CLIP1: variants seen among roughly 807,000 people sequenced by gnomAD.
CLIP1 encodes the protein CAP-Gly domain-containing linker protein 1.
Under a neutral mutation model 161.6 loss-of-function variants are expected in CLIP1, and 66 were observed. That is an observed-to-expected ratio of 0.41 (90% CI 0.33 to 0.50). CLIP1 has a LOEUF of 0.50. Among genes scored for constraint, CLIP1 ranks in the 20% least tolerant of loss-of-function variants. The pLI, the probability that CLIP1 is intolerant of heterozygous loss-of-function variation, is 0.27. For synonymous variants in CLIP1, 598 were observed against 626.2 expected (o/e 0.96, Z 0.67); for missense variants, 1,376 against 1,702.0 (o/e 0.81, Z 3.37).
At chr12:122,296,649 T>TA (rs1195164533) in intron 20 of CLIP1, among the ~76,000 whole-genome samples, 3 of 151,782 alleles carry the variant, frequency 2.0e-5, no homozygotes, top group African/African-American at 7.3e-5. Flanking sequence ...TCTTTGGAAA[T>TA]AAAAAAATTA....
At chr12:122,337,021 T>G (rs912263602) in intron 11 of CLIP1, among the ~76,000 whole-genome samples, 2 of 151,018 alleles carry the variant, frequency 1.3e-5, no homozygotes, top group Non-Finnish European at 2.9e-5. Flanking sequence ...CAGGCTAGAG[T>G]GCAGTGGTGT....
rs1430348466 is a variant in CLIP1 at position 122,354,559 on chromosome 12, G to A, written c.1204-3C>T. The A allele has an allele frequency of 1.9e-6, 3 of 1,610,760 alleles. No individual in the cohort carries two copies. Among genetic ancestry groups the A allele is most frequent in the Non-Finnish European group, 1.7e-6 (2 of 1,177,232 alleles). ...TTGGCTTCCAATTCCAGGACATGCT[G>A]GGGAAGGCAAGAATGTCGGTAAATG... On this transcript the variant is annotated splice_region_variant and splice_polypyrimidine_tract_variant and intron_variant, in intron 6 of 25. Transcript: ENST00000620786.
chr12:122,361,552 A>T (rs1334476089), intron 4 of CLIP1, among the ~76,000 whole-genome samples: 1 of 152,252 alleles, frequency 6.6e-6, no homozygotes, highest in African/African-American at 2.4e-5. Flanking sequence ...ACAGGCACCT[A>T]ACTTTGGCAG....
intron 1 of CLIP1, among the ~76,000 whole-genome samples, chr12:122,397,725 T>A (rs760947901): frequency 1.1e-4 from 16 of 151,320 alleles, no homozygotes; most frequent in Non-Finnish European, 1.9e-4. Flanking sequence ...TGGGAGGCAG[T>A]CCGATCACAA....
Position 122,420,345 on chromosome 12 carries a change from C to CA in CLIP1, c.-107+2175dup, listed in dbSNP as rs201870829. 3.1e-3 allele frequency among the ~76,000 whole-genome samples: 384 copies of CA among 123,978 alleles called. 3 individuals carry two copies. The highest frequency in any genetic ancestry group is 8.7e-3 in the African/African-American group (287 of 33,170). 81.3% of individuals were successfully genotyped at this position (123,978 alleles called of 152,430 possible). Reference sequence around the variant, plus strand: ...AGGCAACAAGAGTGAAATTCCATGTCAAAAAAAAAAAAAGAGATAAGGATA... The same window carrying CA: ...AGGCAACAAGAGTGAAATTCCATGTCAAAAAAAAAAAAAAGAGATAAGGATA... On this transcript the variant is annotated intron_variant, in intron 1 of 25. Transcript: ENST00000620786.
intron 7 of CLIP1, among the ~76,000 whole-genome samples, chr12:122,353,889 C>A (rs1953186087): frequency 6.6e-6 from 1 of 151,962 alleles, no homozygotes; most frequent in Non-Finnish European, 1.5e-5. Context: ...CCTCAGCCTC[C>A]CAAAGTGCTG....
At chr12:122,369,736 G>A (rs1033849148) in intron 3 of CLIP1, among the ~76,000 whole-genome samples, 2 of 151,782 alleles carry the variant, frequency 1.3e-5, no homozygotes, top group Admixed American at 1.3e-4. Flanking sequence ...CTTTAGTTGG[G>A]GTGGCCAAGG....
chr12:122,380,637 G>A (rs1314965442), intron 1 of CLIP1, 79 bp from the exon 2 acceptor site: 2 of 420,958 alleles, frequency 4.8e-6, no homozygotes, highest in Non-Finnish European at 8.5e-6. Context: ...ATAGACTAAA[G>A]CTTTCCTTTC....
chr12:122,383,080 G>A (rs553766381), intron 1 of CLIP1, among the ~76,000 whole-genome samples: 7 of 152,222 alleles, frequency 4.6e-5, no homozygotes, highest in East Asian at 1.9e-4. Context: ...CCATGTCTAC[G>A]TCCATAAAAT....
chr12:122,369,175 C>T (rs1437482595), intron 3 of CLIP1, among the ~76,000 whole-genome samples: 2 of 151,938 alleles, frequency 1.3e-5, no homozygotes, highest in South Asian at 2.1e-4. Context: ...TGTGCCACCA[C>T]GCCCGGCTAA....
chr12:122,332,781 C>T (rs1288264448), intron 15 of CLIP1, among the ~76,000 whole-genome samples: 1 of 152,140 alleles, frequency 6.6e-6, no homozygotes, highest in African/African-American at 2.4e-5. Context: ...TTCCTTAATT[C>T]TGTTGTTCTT....
intron 2 of CLIP1, among the ~76,000 whole-genome samples, chr12:122,379,943 TTAAA>T (rs1481193058): frequency 2.7e-4 from 19 of 70,408 alleles, no homozygotes; most frequent in Non-Finnish European, 3.5e-4. Flanking sequence ...GACTCCATCT[TTAAA>T]AAAAAAAAAA....
intron 15 of CLIP1, among the ~76,000 whole-genome samples, chr12:122,329,629 CAA>C (rs571336170): frequency 1.6e-5 from 2 of 123,432 alleles, no homozygotes. Context: ...GACTCTGTCT[CAA>C]AAAAAAAAAT....
At chr12:122,393,167 T>TG (rs1955737717) in intron 1 of CLIP1, among the ~76,000 whole-genome samples, 2 of 73,058 alleles carry the variant, frequency 2.7e-5, no homozygotes, top group South Asian at 6.9e-4. Flanking sequence ...GGCAATCTTG[T>TG]TTTTTTTTTT....
chr12:122,327,810 C>A, intron 17 of CLIP1, 137 bp downstream of exon 17: 1 of 682,172 alleles, frequency 1.5e-6, no homozygotes, highest in Non-Finnish European at 2.5e-6. Context: ...TACCACCCTG[C>A]CACGCACTCA....
chr12:122,347,571 C>A, intron 9 of CLIP1, 92 bp from the exon 10 acceptor site: 2 of 913,742 alleles, frequency 2.2e-6, no homozygotes, highest in Admixed American at 3.5e-5. Flanking sequence ...GGCTGAGCCA[C>A]CAGTACCTTC....
At chr12:122,329,169 A>C (rs776558186) in intron 15 of CLIP1, among the ~76,000 whole-genome samples, 61 of 152,172 alleles carry the variant, frequency 4.0e-4, no homozygotes, top group Non-Finnish European at 2.1e-4. Flanking sequence ...TCTACTAAAA[A>C]TACAAAAATT....
intron 20 of CLIP1, among the ~76,000 whole-genome samples, chr12:122,304,297 C>T (rs955440279): frequency 5.3e-5 from 8 of 152,204 alleles, no homozygotes; most frequent in African/African-American, 1.9e-4. Flanking sequence ...CCGTCCTTTC[C>T]ACTTACCACT....
intron 1 of CLIP1, among the ~76,000 whole-genome samples, chr12:122,398,942 C>CA (rs34091651): frequency 0.21 from 22,210 of 105,666 alleles, 3,573 homozygotes; most frequent in East Asian, 0.51. Flanking sequence ...ACCAGATATC[C>CA]AAAAAAAAAA....
Sources: allele counts gnomAD v4.1 joint callset (sites outside exome capture counted in the v4.1 genomes callset), GRCh38; gene constraint gnomAD v4.1.1; transcripts MANE v1.5; gene names NCBI Gene and HGNC (gene_info 2026-07-23, HGNC 2026-07-21).